Variants in GKAP1 observed in about 807,000 individuals in gnomAD.
GKAP1 encodes G kinase anchoring protein 1, also known as G kinase-anchoring protein 1.
A neutral mutation model predicts 56.7 loss-of-function variants in GKAP1; 31 were observed. The ratio of observed to expected loss-of-function variants is 0.55; its 90% confidence interval spans 0.41 to 0.74. GKAP1 has a LOEUF of 0.74. GKAP1 is among the 30% of genes least tolerant of loss of function. The pLI, the probability that GKAP1 is intolerant of heterozygous loss-of-function variation, is 0.00. For missense variants in GKAP1, 364 were observed against 402.3 expected (o/e 0.90, Z 0.82); for synonymous variants, 151 against 138.6 (o/e 1.09, Z -0.63).
rs533555285 is a variant in GKAP1, at chr9:83,750,002, G to A, written c.841-1630C>T. On this transcript the variant is annotated intron_variant, in intron 9 of 12. Transcript: ENST00000376371. The stretch of plus-strand genomic sequence containing the variant: ...TCATTGTGAATATGAAACTACACTC[G>A]CTATGAAATTCCCACCCTCTGGGCT... Among the ~76,000 whole-genome samples, 6 of 152,126 alleles carry A rather than the reference G, an allele frequency of 3.9e-5. No individual in the cohort carries two copies. In the East Asian group the frequency reaches 5.8e-4, roughly 15 times the overall value.
intron 4 of GKAP1, among the ~76,000 whole-genome samples, chr9:83,795,135 G>A (rs1318139625): frequency 6.4e-5 from 8 of 124,736 alleles, no homozygotes; most frequent in South Asian, 2.5e-4. Context: ...CAGTCTGGGC[G>A]ACAAGAGCGA....
At chr9:83,816,842 C>T (rs896754957) in intron 2 of GKAP1, among the ~76,000 whole-genome samples, 154 bp downstream of exon 2, 3 of 152,068 alleles carry the variant, frequency 2.0e-5, no homozygotes, top group Admixed American at 2.0e-4. Flanking sequence ...CTATTTTTGT[C>T]GTTACTGTTC....
intron 10 of GKAP1, among the ~76,000 whole-genome samples, chr9:83,744,357 T>C (rs569331167): frequency 6.6e-6 from 1 of 152,312 alleles, no homozygotes; most frequent in South Asian, 2.1e-4. Context: ...CACACCCACA[T>C]GTACTCCTTG....
At chr9:83,801,371 C>T (rs913609223) in intron 3 of GKAP1, among the ~76,000 whole-genome samples, 2 of 149,072 alleles carry the variant, frequency 1.3e-5, no homozygotes, top group Non-Finnish European at 3.0e-5. Context: ...AATAAATTTC[C>T]GTTGTTTTAA....
chr9:83,812,359 AT>A (rs1426436116), intron 2 of GKAP1, among the ~76,000 whole-genome samples: 4 of 146,732 alleles, frequency 2.7e-5, no homozygotes, highest in Admixed American at 1.4e-4. Flanking sequence ...ATATATATAT[AT>A]TTTTTTTTAG....
intron 10 of GKAP1, among the ~76,000 whole-genome samples, chr9:83,748,053 A>G (rs1360639264): frequency 2.0e-5 from 3 of 152,190 alleles, no homozygotes; most frequent in Non-Finnish European, 4.4e-5. Context: ...ATATTTTGAT[A>G]CAGGCATACA....
chr9:83,810,926 C>T (rs1944497891), intron 2 of GKAP1, among the ~76,000 whole-genome samples: 1 of 152,162 alleles, frequency 6.6e-6, no homozygotes, highest in Admixed American at 6.5e-5. Flanking sequence ...CATGGTATGG[C>T]CTATTGCTTC....
intron 3 of GKAP1, among the ~76,000 whole-genome samples, chr9:83,801,885 G>A (rs1944336771): frequency 6.6e-6 from 1 of 152,102 alleles, no homozygotes; most frequent in South Asian, 2.1e-4. Flanking sequence ...GTTACTGTGT[G>A]GATAGCATTT....
rs1943445467 is a variant in GKAP1, at chr9:83,754,696, T to C, written c.739-1337A>G. Reference sequence around the variant, plus strand: ...GGGGGAAGATGGTACAAGATGACTTTGGAAAAGCCAGTAGAGAACTGATCC... The same window carrying C: ...GGGGGAAGATGGTACAAGATGACTTCGGAAAAGCCAGTAGAGAACTGATCC... On this transcript the variant is annotated intron_variant, in intron 8 of 12. Transcript: ENST00000376371. Among the ~76,000 whole-genome samples, 3 of 152,218 alleles carry C rather than the reference T, an allele frequency of 2.0e-5. No homozygotes were observed. The South Asian group carries it at 6.2e-4, about 32-fold the overall frequency.
rs1010826823 is a variant in GKAP1, at chr9:83,739,562, C to A, written c.*135G>T. 6 of 533,958 alleles carry A rather than the reference C, an allele frequency of 1.1e-5. No homozygotes were observed. The highest frequency in any genetic ancestry group is 8.7e-5 in the East Asian group (3 of 34,400). The allele number at this position is 533,958 out of a possible 1,614,324, so 33.1% of individuals were successfully genotyped here. ...AAGCCAAAAGAAATAAAATTATAGA[C>A]CATTAGGGAGCTAGTTGCTTTTAGT... On this transcript the variant is annotated 3_prime_UTR_variant, in exon 13 of 13. Coordinates refer to ENST00000376371, the MANE Select transcript of GKAP1 (RefSeq NM_025211.4).
At chr9:83,794,530 G>C (rs976871531) in intron 4 of GKAP1, among the ~76,000 whole-genome samples, 1 of 152,172 alleles carries the variant, frequency 6.6e-6, no homozygotes, top group African/African-American at 2.4e-5. Context: ...AGGATGTCAC[G>C]TAAGAGAGAA....
chr9:83,770,861 T>TA (rs1216618047), intron 7 of GKAP1, among the ~76,000 whole-genome samples: 1 of 151,920 alleles, frequency 6.6e-6, no homozygotes, highest in African/African-American at 2.4e-5. Context: ...CGTCCGGCGT[T>TA]ACATTACGTT....
At chr9:83,764,279 G>A (rs567327259) in intron 8 of GKAP1, among the ~76,000 whole-genome samples, 31 of 152,138 alleles carry the variant, frequency 2.0e-4, no homozygotes, top group Admixed American at 1.2e-3. Context: ...ACTGCTCTCC[G>A]GTTAGTGAGT....
At chr9:83,806,059 G>A (rs1388205391) in intron 3 of GKAP1, among the ~76,000 whole-genome samples, 1 of 151,980 alleles carries the variant, frequency 6.6e-6, no homozygotes, top group African/African-American at 2.4e-5. Flanking sequence ...TGAGGCTACA[G>A]TGAACTGTGA....
intron 3 of GKAP1, among the ~76,000 whole-genome samples, chr9:83,804,353 G>C (rs1186300660): frequency 7.5e-6 from 1 of 132,718 alleles, no homozygotes. Flanking sequence ...AGGTGGGGGG[G>C]TCAGCCCCCC....
chr9:83,749,216 T>G (rs1430182400), intron 9 of GKAP1: 2 of 151,580 alleles, frequency 1.3e-5, no homozygotes, highest in African/African-American at 4.8e-5. Flanking sequence ...CTGTATCACT[T>G]ATTTATTTAC....
chr9:83,765,720 C>A lies in GKAP1; in HGVS notation c.738+3098G>T, dbSNP rs148185423. ...AATGACTGCCCTTTTGGATTTCAGA[C>A]TTGCATGGGGCCTGTAGCCCCTCTG... On this transcript the variant is annotated intron_variant, in intron 8 of 12. Coordinates refer to ENST00000376371, the MANE Select transcript of GKAP1 (RefSeq NM_025211.4). Among the ~76,000 whole-genome samples the A allele has an allele frequency of 4.6e-3, 699 of 152,282 alleles. 3 individuals are homozygous for A. The highest frequency in any genetic ancestry group is 0.016 in the African/African-American group (656 of 41,542).
intron 8 of GKAP1, among the ~76,000 whole-genome samples, chr9:83,761,382 T>C (rs1402436395): frequency 1.3e-5 from 2 of 151,632 alleles, no homozygotes; most frequent in African/African-American, 4.8e-5. Flanking sequence ...CATGAAGAAA[T>C]CCAAAATCGA....
intron 8 of GKAP1, among the ~76,000 whole-genome samples, chr9:83,768,362 T>C (rs1034416477): frequency 6.6e-6 from 1 of 152,186 alleles, no homozygotes; most frequent in Non-Finnish European, 1.5e-5. Flanking sequence ...CAAATGTCAC[T>C]TTTTATATAC....
Sources: allele counts gnomAD v4.1 joint callset (sites outside exome capture counted in the v4.1 genomes callset), GRCh38; gene constraint gnomAD v4.1.1; transcripts MANE v1.5; gene names NCBI Gene and HGNC (gene_info 2026-07-23, HGNC 2026-07-21).